PAX5: variants seen among roughly 807,000 people sequenced by gnomAD.
The protein encoded by PAX5 is paired box protein Pax-5.
A neutral mutation model predicts 43.7 loss-of-function variants in PAX5; 9 were observed. That is an observed-to-expected ratio of 0.21 (90% CI 0.12 to 0.36). PAX5 has a LOEUF of 0.36. Ranked by LOEUF, PAX5 falls within the 10% of genes least tolerant of loss-of-function variation. PAX5 has a pLI of 1.00. For synonymous variants in PAX5, 228 were observed against 214.3 expected, an observed-to-expected ratio of 1.06 and a Z score of -0.56; for missense variants, 383 against 532.7, an observed-to-expected ratio of 0.72 and a Z score of 2.77.
chr9:36,910,106 T>G (rs1829144496), intron 7 of PAX5, among the ~76,000 whole-genome samples: 1 of 152,192 alleles, frequency 6.6e-6, no homozygotes, highest in Non-Finnish European at 1.5e-5. Flanking sequence ...AAGGCACTTT[T>G]AAATTTAACT....
intron 1 of PAX5, among the ~76,000 whole-genome samples, chr9:37,028,658 G>A (rs1029952768): frequency 1.3e-4 from 20 of 152,248 alleles, no homozygotes; most frequent in African/African-American, 4.8e-4. Context: ...GGCTTCTTGA[G>A]AACCGAATGA....
Position 36,852,914 on chromosome 9 carries a change from ACAC to A in PAX5, c.1013-5988_1013-5986del, listed in dbSNP as rs1267130958. Among the ~76,000 whole-genome samples, 3 of 152,202 alleles carry A rather than the reference ACAC, an allele frequency of 2.0e-5. No homozygotes were observed. In the East Asian group the frequency reaches 5.8e-4, roughly 29 times the overall value. On this transcript the variant is annotated intron_variant, in intron 8 of 9. Transcript: ENST00000358127. Reference sequence around the variant, plus strand: ...CCCAGGGATCCCACCATCCCAAGGAACACCTCGTTGAGCTGGGCCAGCAGAGGA... The same window carrying A: ...CCCAGGGATCCCACCATCCCAAGGAACTCGTTGAGCTGGGCCAGCAGAGGA...
In PAX5 at chr9:36,838,066, T is replaced by C. The variant is rs73451129; in HGVS notation, c.*2494A>G. 1.7e-5 allele frequency: 4 copies of C among 233,154 alleles called. No homozygotes were observed. Among genetic ancestry groups the C allele is most frequent in the Non-Finnish European group, 2.5e-5 (3 of 118,060 alleles). 14.4% of individuals were successfully genotyped at this position (233,154 alleles called of 1,614,324 possible). The stretch of plus-strand genomic sequence containing the variant: ...AAATGGAGGGAGGCAGGGAGAGAGA[T>C]GCCAGGTAACATACCTTCTCCTACC... On this transcript the variant is annotated 3_prime_UTR_variant, in exon 10 of 10. Transcript: ENST00000358127.
intron 4 of PAX5, among the ~76,000 whole-genome samples, chr9:37,005,554 G>A (rs1181199251): frequency 1.3e-5 from 2 of 152,220 alleles, no homozygotes; most frequent in Non-Finnish European, 2.9e-5. Context: ...TACTGGGTGA[G>A]GTAATGACAA....
intron 5 of PAX5, among the ~76,000 whole-genome samples, chr9:36,986,347 C>G (rs999240010): frequency 1.3e-4 from 19 of 147,316 alleles, no homozygotes; most frequent in African/African-American, 4.6e-4. Context: ...CGCTGCGCCC[C>G]GGGCCCCGCC....
intron 4 of PAX5, among the ~76,000 whole-genome samples, chr9:37,005,485 C>T (rs141705521): frequency 2.0e-5 from 3 of 152,310 alleles, no homozygotes; most frequent in East Asian, 3.9e-4. Flanking sequence ...CTGGTTAGTG[C>T]CCCTCCACCC....
intron 1 of PAX5, among the ~76,000 whole-genome samples, chr9:37,024,122 C>T (rs566556495): frequency 6.6e-6 from 1 of 152,322 alleles, no homozygotes; most frequent in Non-Finnish European, 1.5e-5. Context: ...ATATCATATT[C>T]TGCAAAATGG....
rs1012600596 is a variant in PAX5, at chr9:37,023,755, A to AC, written c.47-2955dup. On this transcript the variant is annotated intron_variant, in intron 1 of 9. Transcript: ENST00000358127. ...ACTCAGCCACAGATTGAGCTCCAGG[A>AC]CCCCCACAAGATCATTAAAATTTTT... is the stretch of plus-strand genomic sequence containing the variant. Among the ~76,000 whole-genome samples, 421 of 152,138 alleles carry AC rather than the reference A, an allele frequency of 2.8e-3. 9 individuals are homozygous for AC. The highest frequency in any genetic ancestry group is 3.4e-4 in the Non-Finnish European group (23 of 68,016).
At chr9:36,931,780 C>T (rs952005443) in intron 6 of PAX5, among the ~76,000 whole-genome samples, 11 of 146,620 alleles carry the variant, frequency 7.5e-5, no homozygotes, top group South Asian at 2.2e-4. Context: ...ACCCAGGAGG[C>T]GGAGGCTGCA....
At chr9:36,960,605 G>T (rs1224739815) in intron 6 of PAX5, among the ~76,000 whole-genome samples, 2 of 152,218 alleles carry the variant, frequency 1.3e-5, no homozygotes, top group Non-Finnish European at 1.5e-5. Flanking sequence ...GAGGCAAGAA[G>T]TCCCAGTGAA....
At position 36,966,702 on chromosome 9, in the gene PAX5, C is replaced by T. The variant is rs749437814; in HGVS notation, c.627G>A (p.Pro209=). Residue 209 remains proline (P), a synonymous_variant, in exon 6 of 10, where the codon CCG becomes CCA. Transcript: ENST00000358127. ...RDEGIQESPV[P]NGHSLPGRDF... Reference sequence around the variant, plus strand: ...CTCTGCCCGGAAGCGAGTGGCCGTTCGGCACCGGAGACTCCTGAATACCTT... The same window carrying T: ...CTCTGCCCGGAAGCGAGTGGCCGTTTGGCACCGGAGACTCCTGAATACCTT... The T allele has an allele frequency of 1.1e-5, 17 of 1,614,018 alleles. No individual in the cohort carries two copies. Among genetic ancestry groups the T allele is most frequent in the Admixed American group, 5.0e-5 (3 of 59,998 alleles).
At chr9:36,895,842 G>C (rs1827816188) in intron 7 of PAX5, among the ~76,000 whole-genome samples, 1 of 152,178 alleles carries the variant, frequency 6.6e-6, no homozygotes. Context: ...TCAAATCTAA[G>C]ATGTGTTTGC....
intron 6 of PAX5, among the ~76,000 whole-genome samples, chr9:36,956,999 A>G (rs28461757): frequency 0.021 from 2,885 of 136,780 alleles, 73 homozygotes; most frequent in African/African-American, 0.072. Flanking sequence ...GCTGGGGACA[A>G]CTGGGATGAG....
intron 6 of PAX5, among the ~76,000 whole-genome samples, chr9:36,947,182 C>T (rs1333758834): frequency 1.3e-5 from 2 of 152,156 alleles, no homozygotes; most frequent in Non-Finnish European, 2.9e-5. Flanking sequence ...TTCCTGGCAG[C>T]TCCAGAGGCA....
chr9:36,877,038 C>A (rs1825973329), intron 8 of PAX5, among the ~76,000 whole-genome samples: 1 of 152,212 alleles, frequency 6.6e-6, no homozygotes, highest in African/African-American at 2.4e-5. Flanking sequence ...AAAGCCTTCA[C>A]TTGGAAATGA....
At chr9:36,926,507 T>A (rs1236661994) in intron 6 of PAX5, among the ~76,000 whole-genome samples, 2 of 152,260 alleles carry the variant, frequency 1.3e-5, no homozygotes, top group South Asian at 4.1e-4. Flanking sequence ...CTAGACTTCC[T>A]CTTCTGTAGA....
At chr9:37,022,561 C>A (rs1839946580) in intron 1 of PAX5, among the ~76,000 whole-genome samples, 3 of 152,206 alleles carry the variant, frequency 2.0e-5, no homozygotes, top group African/African-American at 7.2e-5. Flanking sequence ...ACCTGGGAGT[C>A]CAGGTATTAT....
intron 7 of PAX5, among the ~76,000 whole-genome samples, chr9:36,885,429 G>A (rs998487032): frequency 2.0e-5 from 3 of 152,108 alleles, no homozygotes; most frequent in African/African-American, 7.2e-5. Context: ...TCTATAAAAT[G>A]GGGAGGATAA....
At position 36,838,642 on chromosome 9, in the gene PAX5, G is replaced by A. The variant is rs933102296; in HGVS notation, c.*1918C>T. On this transcript the variant is annotated 3_prime_UTR_variant, in exon 10 of 10. Coordinates refer to ENST00000358127, the MANE Select transcript of PAX5 (RefSeq NM_016734.3). ...GCTCTTCTGATTCCCGCCCCTCCGAGTGTTCTTGTTTCCCACTTGGTCCAA... is the reference window on the plus strand; with the variant it reads ...GCTCTTCTGATTCCCGCCCCTCCGAATGTTCTTGTTTCCCACTTGGTCCAA... 63 of 232,968 alleles carry A rather than the reference G, an allele frequency of 2.7e-4. 1 individual carries two copies. The highest frequency in any genetic ancestry group is 2.0e-4 in the Non-Finnish European group (24 of 117,974). 14.4% of individuals were successfully genotyped at this position (232,968 alleles called of 1,614,324 possible).
Sources: allele counts gnomAD v4.1 joint callset (sites outside exome capture counted in the v4.1 genomes callset), GRCh38; gene constraint gnomAD v4.1.1; transcripts MANE v1.5; gene names NCBI Gene and HGNC (gene_info 2026-07-23, HGNC 2026-07-21).